RBFOX1: variants seen among roughly 807,000 people sequenced by gnomAD.
The protein encoded by RBFOX1 is RNA binding protein fox-1 homolog 1.
In RBFOX1, 8 loss-of-function variants were observed where a neutral mutation model predicts 57.7. The ratio of observed to expected loss-of-function variants is 0.14; its 90% CI spans 0.08 to 0.25. The LOEUF is 0.25. Ranked by LOEUF, RBFOX1 falls within the 10% of genes least tolerant of loss-of-function variation. RBFOX1 has a pLI of 1.00. For synonymous variants in RBFOX1, 326 were observed against 222.4 expected (o/e 1.47, Z -4.15); for missense variants, 611 against 548.5 (o/e 1.11, Z -1.14).
intron 1 of RBFOX1, among the ~76,000 whole-genome samples, chr16:6,031,258 C>T (rs908347439): frequency 1.4e-4 from 21 of 152,026 alleles, no homozygotes; most frequent in African/African-American, 5.1e-4. Context: ...TTCAGAAGCC[C>T]GGGGGAGGAA....
chr16:5,489,342 C>T (rs1206100753), intron 2 of RBFOX1, among the ~76,000 whole-genome samples: 1 of 152,198 alleles, frequency 6.6e-6, no homozygotes, highest in Non-Finnish European at 1.5e-5. Context: ...AAGAATTAGG[C>T]ACAAACATCC....
chr16:5,401,262 C>G (rs2066706178), intron 1 of RBFOX1, among the ~76,000 whole-genome samples: 1 of 152,188 alleles, frequency 6.6e-6, no homozygotes, highest in Non-Finnish European at 1.5e-5. Context: ...GTTTGAGGAT[C>G]TAACTTGATT....
At chr16:6,656,804 GC>G (rs2098656736) in intron 3 of RBFOX1, among the ~76,000 whole-genome samples, 1 of 151,922 alleles carries the variant, frequency 6.6e-6, no homozygotes, top group Non-Finnish European at 1.5e-5. Flanking sequence ...AAAAAATAAT[GC>G]CCAGTTAAAA....
At chr16:6,868,608 A>T (rs1034834838) in intron 3 of RBFOX1, among the ~76,000 whole-genome samples, 14 of 152,054 alleles carry the variant, frequency 9.2e-5, no homozygotes, top group African/African-American at 3.4e-4. Context: ...AGTAGCTGGG[A>T]TTATAGGCAC....
chr16:7,016,435 C>T (rs958899797), intron 3 of RBFOX1, among the ~76,000 whole-genome samples: 5 of 152,114 alleles, frequency 3.3e-5, no homozygotes, highest in East Asian at 1.9e-4. Context: ...GGATTTAAAT[C>T]TGGGCTCATG....
intron 2 of RBFOX1, among the ~76,000 whole-genome samples, chr16:6,504,233 C>G (rs1455327122): frequency 2.6e-5 from 4 of 152,174 alleles, no homozygotes; most frequent in South Asian, 2.1e-4. Context: ...GGTGTTCTGA[C>G]AAGTATGTCG....
chr16:7,223,171 G>A (rs1214458517), intron 4 of RBFOX1, among the ~76,000 whole-genome samples: 1 of 152,218 alleles, frequency 6.6e-6, no homozygotes, highest in Non-Finnish European at 1.5e-5. Flanking sequence ...TGACCAGCCA[G>A]GACAACAAAG....
At chr16:6,568,913 C>T (rs1600143561) in intron 2 of RBFOX1, among the ~76,000 whole-genome samples, 1 of 152,088 alleles carries the variant, frequency 6.6e-6, no homozygotes, top group African/African-American at 2.4e-5. Context: ...GCTGGGAGTA[C>T]AGGCACGTGC....
At chr16:7,433,265 G>A (rs2098696473) in intron 4 of RBFOX1, among the ~76,000 whole-genome samples, 1 of 152,248 alleles carries the variant, frequency 6.6e-6, no homozygotes, top group African/African-American at 2.4e-5. Context: ...GGGCAGAGAC[G>A]GTGAGTAAGG....
At chr16:7,092,652 A>G (rs1178749756) in intron 4 of RBFOX1, among the ~76,000 whole-genome samples, 1 of 152,218 alleles carries the variant, frequency 6.6e-6, no homozygotes, top group Non-Finnish European at 1.5e-5. Flanking sequence ...GGTTATTGAC[A>G]GAGCCTTTAC....
chr16:7,420,341 A>G (rs1212352428), intron 4 of RBFOX1, among the ~76,000 whole-genome samples: 1 of 152,230 alleles, frequency 6.6e-6, no homozygotes, highest in African/African-American at 2.4e-5. Flanking sequence ...GCTTAGGCTT[A>G]AGATTTAAGC....
chr16:6,508,989 G>T (rs2096187024), intron 2 of RBFOX1, among the ~76,000 whole-genome samples: 1 of 152,144 alleles, frequency 6.6e-6, no homozygotes, highest in Non-Finnish European at 1.5e-5. Context: ...TTATTTTGTA[G>T]GATTTAATTT....
chr16:5,283,858 C>A (rs544697106), intron 1 of RBFOX1, among the ~76,000 whole-genome samples: 1 of 152,004 alleles, frequency 6.6e-6, no homozygotes, highest in East Asian at 1.9e-4. Context: ...TTAGTTAAGA[C>A]TTTGGGGGAC....
chr16:7,404,746 A>G (rs1007573736), intron 4 of RBFOX1, among the ~76,000 whole-genome samples: 5 of 152,202 alleles, frequency 3.3e-5, no homozygotes, highest in African/African-American at 1.2e-4. Flanking sequence ...GCACTTTTTA[A>G]TTATCTGATT....
intron 3 of RBFOX1, among the ~76,000 whole-genome samples, chr16:6,884,085 C>T (rs117914526): frequency 0.012 from 1,830 of 152,256 alleles, 22 homozygotes; most frequent in Non-Finnish European, 0.02. Flanking sequence ...CTGTGTTATG[C>T]AAGCACCTGC....
intron 2 of RBFOX1, among the ~76,000 whole-genome samples, chr16:6,625,616 C>T (rs2098294571): frequency 6.6e-6 from 1 of 152,176 alleles, no homozygotes; most frequent in Non-Finnish European, 1.5e-5. Context: ...CCAACCTTGT[C>T]ATGATTTTCA....
chr16:5,580,852 C>T (rs941334533), intron 2 of RBFOX1, among the ~76,000 whole-genome samples: 4 of 152,182 alleles, frequency 2.6e-5, no homozygotes, highest in African/African-American at 9.7e-5. Flanking sequence ...TTAATGATCC[C>T]ATTCCTCAAA....
intron 1 of RBFOX1, among the ~76,000 whole-genome samples, chr16:6,114,337 C>T (rs937764764): frequency 7.9e-5 from 12 of 152,284 alleles, no homozygotes; most frequent in African/African-American, 2.9e-4. Context: ...CCATCTTATG[C>T]AATTAAGAAT....
At chr16:7,561,689 T>C (rs2090409727) in intron 5 of RBFOX1, among the ~76,000 whole-genome samples, 1 of 152,216 alleles carries the variant, frequency 6.6e-6, no homozygotes, top group South Asian at 2.1e-4. Context: ...TTGAAGCATT[T>C]ATATTAATAC....
Sources: allele counts gnomAD v4.1 joint callset (sites outside exome capture counted in the v4.1 genomes callset), GRCh38; gene constraint gnomAD v4.1.1; transcripts MANE v1.5; gene names NCBI Gene and HGNC (gene_info 2026-07-23, HGNC 2026-07-21).